The following MARCHF11 variants were observed in gnomAD, a reference collection of about 807,000 sequenced individuals.
MARCHF11 encodes the protein E3 ubiquitin-protein ligase MARCHF11.
In MARCHF11, 29 loss-of-function variants were observed where a neutral mutation model predicts 37.3. The ratio of observed to expected loss-of-function variants is 0.78; its 90% CI spans 0.58 to 1.06. The LOEUF (loss-of-function observed/expected upper bound fraction) is 1.06, where lower values mean the gene tolerates loss of function less well. MARCHF11 is among the 50% of genes least tolerant of loss of function. MARCHF11 has a pLI of 0.00. For missense variants in MARCHF11, 482 were observed against 533.4 expected, an observed-to-expected ratio of 0.90 and a Z score of 0.95; for synonymous variants, 233 against 228.0, an observed-to-expected ratio of 1.02 and a Z score of -0.20.
At position 16,150,438 on chromosome 5, in the gene MARCHF11, G is replaced by C. The variant is rs1211632740; in HGVS notation, c.693+27288C>G. Reference sequence around the variant, plus strand: ...GTATGTGGTTCTACAGAACAGGCAGGGTAAATGGCCTCCATGGGCAAGCCT... The same window carrying C: ...GTATGTGGTTCTACAGAACAGGCAGCGTAAATGGCCTCCATGGGCAAGCCT... On this transcript the variant is annotated intron_variant, in intron 2 of 3. Transcript: ENST00000332432. 3.3e-5 allele frequency among the ~76,000 whole-genome samples: 5 copies of C among 149,376 alleles called. 1 individual carries two copies. The highest frequency in any genetic ancestry group is 1.3e-4 in the African/African-American group (5 of 38,952).
At chr5:16,078,769 G>A (rs1736560590) in intron 3 of MARCHF11, among the ~76,000 whole-genome samples, 1 of 152,152 alleles carries the variant, frequency 6.6e-6, no homozygotes, top group Non-Finnish European at 1.5e-5. Flanking sequence ...CCTCACTGCT[G>A]CACAGTCTAC....
chr5:16,128,699 A>G (rs1737461340), intron 2 of MARCHF11, among the ~76,000 whole-genome samples: 1 of 152,072 alleles, frequency 6.6e-6, no homozygotes, highest in Non-Finnish European at 1.5e-5. Flanking sequence ...AAAAGAAATA[A>G]CCTCTTTGGA....
intron 3 of MARCHF11, among the ~76,000 whole-genome samples, chr5:16,077,985 A>G (rs1388816490): frequency 2.6e-5 from 4 of 152,226 alleles, no homozygotes; most frequent in Non-Finnish European, 5.9e-5. Flanking sequence ...TCTATTATTT[A>G]AAAAGGTATT....
At chr5:16,125,574 G>A (rs1193947156) in intron 2 of MARCHF11, among the ~76,000 whole-genome samples, 2 of 150,868 alleles carry the variant, frequency 1.3e-5, no homozygotes, top group Non-Finnish European at 2.9e-5. Flanking sequence ...CTTAGGACTA[G>A]GTCCTTCATG....
chr5:16,091,791 C>A (rs1316951958), intron 2 of MARCHF11, among the ~76,000 whole-genome samples: 1 of 152,090 alleles, frequency 6.6e-6, no homozygotes, highest in Non-Finnish European at 1.5e-5. Context: ...TAATTTGGTG[C>A]CCTAAGTATC....
intron 2 of MARCHF11, among the ~76,000 whole-genome samples, chr5:16,165,523 G>A (rs1738153976): frequency 1.3e-5 from 2 of 152,150 alleles, no homozygotes; most frequent in South Asian, 4.2e-4. Flanking sequence ...TCTCTGGTTT[G>A]TGACAGTTTC....
At chr5:16,104,249 T>C (rs575384262) in intron 2 of MARCHF11, among the ~76,000 whole-genome samples, 175 of 152,282 alleles carry the variant, frequency 1.1e-3, no homozygotes, top group Admixed American at 1.9e-3. Flanking sequence ...TTATTCAACC[T>C]TTCTTTCCTT....
At chr5:16,139,167 C>T (rs1272340172) in intron 2 of MARCHF11, among the ~76,000 whole-genome samples, 1 of 152,106 alleles carries the variant, frequency 6.6e-6, no homozygotes, top group East Asian at 1.9e-4. Context: ...ATTGTAGCTT[C>T]CATAATACCC....
In MARCHF11 at chr5:16,176,562, T is replaced by C. The variant is rs145020519; in HGVS notation, c.693+1164A>G. Among the ~76,000 whole-genome samples, 505 of 152,324 alleles carry C rather than the reference T, an allele frequency of 3.3e-3. 3 individuals are homozygous for C. The highest frequency in any genetic ancestry group is 0.011 in the African/African-American group (473 of 41,572). On this transcript the variant is annotated intron_variant, in intron 2 of 3. Transcript: ENST00000332432. ...ATTATTCACAAGCCCTAGGTCAGCT[T>C]GAGAAATACATATTTTCATTTTGTG...
intron 3 of MARCHF11, among the ~76,000 whole-genome samples, chr5:16,077,293 G>A (rs1156826369): frequency 6.6e-6 from 1 of 151,988 alleles, no homozygotes; most frequent in Non-Finnish European, 1.5e-5. Context: ...CTAGTGGCAA[G>A]TGAAAATAAA....
intron 2 of MARCHF11, among the ~76,000 whole-genome samples, chr5:16,135,636 G>A (rs1030772057): frequency 6.6e-6 from 1 of 152,094 alleles, no homozygotes; most frequent in Non-Finnish European, 1.5e-5. Flanking sequence ...TTCAAGTGTT[G>A]ATATAGATGA....
In MARCHF11 at chr5:16,157,536, C is replaced by T. The variant is rs142919400; in HGVS notation, c.693+20190G>A. On this transcript the variant is annotated intron_variant, in intron 2 of 3. Coordinates refer to ENST00000332432, the MANE Select transcript of MARCHF11 (RefSeq NM_001102562.3). ...CACAACAGAGAGCCCAGAAATGATA[C>T]GTCCATGATTAACTGGTTTTTGACA... Among the ~76,000 whole-genome samples the T allele has an allele frequency of 5.6e-3, 846 of 151,818 alleles. 24 individuals are homozygous for T. Among genetic ancestry groups the T allele is most frequent in the Non-Finnish European group, 1.5e-3 (101 of 67,856 alleles).
At chr5:16,108,255 G>A (rs1252541768) in intron 2 of MARCHF11, among the ~76,000 whole-genome samples, 1 of 152,054 alleles carries the variant, frequency 6.6e-6, no homozygotes, top group African/African-American at 2.4e-5. Flanking sequence ...GGCAGGGCTG[G>A]AGCCCAAAGC....
At chr5:16,090,805 C>G in intron 3 of MARCHF11, 84 bp downstream of exon 3, 1 of 1,092,174 alleles carries the variant, frequency 9.2e-7, no homozygotes, top group Non-Finnish European at 1.2e-6. Flanking sequence ...ACAACATTCT[C>G]TATTAGATCC....
chr5:16,067,665 A>G lies in MARCHF11; in HGVS notation c.1015T>C (p.Ser339Pro). Residue 339 changes from serine (S) to proline (P), a missense_variant, in exon 4 of 4, where the codon TCC becomes CCC. Ser to Pro is a moderately conservative substitution (Grantham distance 74, BLOSUM62 -1). Transcript: ENST00000332432. ...DIEESSRGES[S>P]TSRTLWLPLT... ...GGCAACCACAAAGTCCTACTTGTGG[A>G]AGACTCTCCCCGGCTGCTTTCTTCG... 6.2e-7 allele frequency: 1 copy of G among 1,613,970 alleles called. No homozygotes were observed. The highest frequency in any genetic ancestry group is 1.1e-5 in the South Asian group (1 of 91,088).
At chr5:16,123,381 G>C (rs1354886946) in intron 2 of MARCHF11, among the ~76,000 whole-genome samples, 1 of 152,164 alleles carries the variant, frequency 6.6e-6, no homozygotes, top group East Asian at 1.9e-4. Context: ...AAGCCAAGCA[G>C]AGATGCCCTG....
intron 3 of MARCHF11, among the ~76,000 whole-genome samples, chr5:16,089,086 CAAGTT>C (rs1736747373): frequency 6.6e-6 from 1 of 150,660 alleles, no homozygotes; most frequent in African/African-American, 2.5e-5. Context: ...GCACTAAATG[CAAGTT>C]CTGAAATTAA....
intron 2 of MARCHF11, among the ~76,000 whole-genome samples, chr5:16,110,585 C>G (rs1737120572): frequency 6.6e-6 from 1 of 152,082 alleles, no homozygotes; most frequent in African/African-American, 2.4e-5. Flanking sequence ...TGATCTGGTC[C>G]AAACTCCTAT....
intron 2 of MARCHF11, among the ~76,000 whole-genome samples, chr5:16,107,560 G>C (rs769218637): frequency 2.0e-5 from 3 of 152,224 alleles, no homozygotes; most frequent in Non-Finnish European, 4.4e-5. Context: ...ACAGACAGGA[G>C]ACAGGGAAAT....
Sources: gnomAD v4.1 joint callset for allele counts (sites outside exome capture counted in the v4.1 genomes callset) on GRCh38, gnomAD v4.1.1 for gene constraint, MANE v1.5 for transcripts, NCBI Gene and HGNC (gene_info 2026-07-23, HGNC 2026-07-21) for gene names.